The following HTR4 variants were observed in gnomAD, a reference collection of about 807,000 sequenced individuals.
HTR4 encodes the protein 5-hydroxytryptamine receptor 4.
In HTR4, 16 loss-of-function variants were observed where a neutral mutation model predicts 36.8. The observed-to-expected ratio is 0.43, with a 90% CI of 0.29 to 0.66. The LOEUF is 0.66. Ranked by LOEUF, HTR4 falls within the 30% of genes least tolerant of loss-of-function variation. The pLI is 0.13. For missense variants in HTR4, 438 were observed against 490.9 expected (o/e 0.89, Z 1.02); for synonymous variants, 189 against 185.1 (o/e 1.02, Z -0.17).
chr5:148,603,993 T>C (rs573822289), intron 2 of HTR4, among the ~76,000 whole-genome samples: 1 of 152,270 alleles, frequency 6.6e-6, no homozygotes, highest in Admixed American at 6.5e-5. Context: ...AAACTCATCA[T>C]AACCCTTACC....
intron 1 of HTR4, among the ~76,000 whole-genome samples, chr5:148,647,721 T>A (rs902408236): frequency 1.3e-5 from 2 of 152,188 alleles, no homozygotes; most frequent in Non-Finnish European, 2.9e-5. Flanking sequence ...TGGTGTTGCA[T>A]GCCTGTAGTC....
At chr5:148,527,548 A>G (rs184000429) in intron 4 of HTR4, among the ~76,000 whole-genome samples, 1 of 152,298 alleles carries the variant, frequency 6.6e-6, no homozygotes, top group Non-Finnish European at 1.5e-5. Context: ...AAATAGTGGT[A>G]ACAGGTTTCC....
intron 6 of HTR4, chr5:148,490,766 T>C (rs762006486): frequency 3.4e-6 from 4 of 1,186,008 alleles, no homozygotes; most frequent in Non-Finnish European, 4.5e-6. Context: ...ATACATGTTC[T>C]TATAACCTCA....
chr5:148,508,981 G>A (rs972568369), intron 6 of HTR4, among the ~76,000 whole-genome samples: 1 of 151,756 alleles, frequency 6.6e-6, no homozygotes, highest in African/African-American at 2.4e-5. Flanking sequence ...TAGGAGCACC[G>A]AGAATCAAGA....
chr5:148,618,132 G>A (rs1752773101), intron 2 of HTR4, among the ~76,000 whole-genome samples: 1 of 152,128 alleles, frequency 6.6e-6, no homozygotes, highest in Non-Finnish European at 1.5e-5. Flanking sequence ...CACTCTGATT[G>A]TACCCTTCTG....
chr5:148,633,629 G>A (rs988794974), intron 2 of HTR4, among the ~76,000 whole-genome samples: 5 of 150,802 alleles, frequency 3.3e-5, no homozygotes, highest in African/African-American at 1.2e-4. Flanking sequence ...AACATGCGGT[G>A]TTTGGTTTTC....
At chr5:148,497,376 T>A (rs1756735682) in intron 6 of HTR4, among the ~76,000 whole-genome samples, 1 of 152,154 alleles carries the variant, frequency 6.6e-6, no homozygotes, top group Non-Finnish European at 1.5e-5. Flanking sequence ...CTTTTCACAG[T>A]TTACAGTGGA....
intron 2 of HTR4, among the ~76,000 whole-genome samples, chr5:148,572,170 C>T (rs981619679): frequency 1.3e-5 from 2 of 151,996 alleles, no homozygotes; most frequent in Admixed American, 1.3e-4. Context: ...AGATTTTAGG[C>T]CTTGTCAGTT....
At chr5:148,480,540 G>A (rs1254524876), downstream of HTR4, among the ~76,000 whole-genome samples, 2 of 152,056 alleles carry the variant, frequency 1.3e-5, no homozygotes, top group African/African-American at 2.4e-5. Context: ...CACCATACTC[G>A]GCTAATTTTT....
At chr5:148,545,142 G>C (rs1487841162) in intron 4 of HTR4, among the ~76,000 whole-genome samples, 2 of 152,220 alleles carry the variant, frequency 1.3e-5, no homozygotes, top group Non-Finnish European at 2.9e-5. Context: ...GCACTATGAG[G>C]GAACGCTCTT....
At chr5:148,589,057 C>T (rs1761457761) in intron 2 of HTR4, among the ~76,000 whole-genome samples, 1 of 152,018 alleles carries the variant, frequency 6.6e-6, no homozygotes, top group East Asian at 1.9e-4. Flanking sequence ...TTAATCGATA[C>T]TCCACTATAT....
chr5:148,538,204 A>G (rs1003867674), intron 4 of HTR4, among the ~76,000 whole-genome samples: 1 of 152,112 alleles, frequency 6.6e-6, no homozygotes, highest in African/African-American at 2.4e-5. Context: ...AAAATTCTCA[A>G]AAAAAACTAG....
At chr5:148,547,727 A>G (rs772780168) in intron 4 of HTR4, among the ~76,000 whole-genome samples, 10 of 151,978 alleles carry the variant, frequency 6.6e-5, no homozygotes, top group Non-Finnish European at 1.0e-4. Context: ...ACTTGTCCCT[A>G]TAAAAAATAA....
chr5:148,463,911 G>C (rs1755353619), intron 5 of HTR4, among the ~76,000 whole-genome samples: 1 of 151,548 alleles, frequency 6.6e-6, no homozygotes, highest in African/African-American at 2.4e-5. Flanking sequence ...ACAGTATAGA[G>C]AGCCCAGAAG....
chr5:148,479,446 G>C (rs552882115), downstream of HTR4, among the ~76,000 whole-genome samples: 1 of 151,852 alleles, frequency 6.6e-6, no homozygotes, highest in African/African-American at 2.4e-5. Flanking sequence ...GTTTTCAGAC[G>C]CATTTTTCCT....
intron 2 of HTR4, among the ~76,000 whole-genome samples, chr5:148,592,405 AT>A (rs1001181852): frequency 2.0e-5 from 3 of 151,478 alleles, no homozygotes; most frequent in South Asian, 2.1e-4. Flanking sequence ...AAAAAAAGAA[AT>A]TTTTTTTTAC....
rs965243951 is a variant in HTR4, at chr5:148,636,235, C to G, written c.26+754G>C. 5.3e-5 allele frequency among the ~76,000 whole-genome samples: 8 copies of G among 152,236 alleles called. No individual in the cohort carries two copies. The East Asian group carries it at 9.7e-4, about 18-fold the overall frequency. ...GAGGCACAAGGCCCCTGATCTATAC[C>G]TGAAATATACTTTTCTAGAGGTCTC... On this transcript the variant is annotated intron_variant, in intron 2 of 6. Transcript: ENST00000377888.
intron 1 of HTR4, among the ~76,000 whole-genome samples, chr5:148,641,803 C>T (rs1753738116): frequency 1.3e-5 from 2 of 152,150 alleles, no homozygotes; most frequent in South Asian, 2.1e-4. Flanking sequence ...CATCTTTACC[C>T]TCGTTTCTGA....
Position 148,488,918 on chromosome 5 carries a change from C to T in HTR4, c.1077-5625G>A, listed in dbSNP as rs551059323. On this transcript the variant is annotated intron_variant, in intron 6 of 6. Coordinates refer to ENST00000377888, the MANE Select transcript of HTR4 (RefSeq NM_000870.7). ...AATCAGGTGTGGCTGATTCTAATCC[C>T]TATGTACTTCTTTCCCTATTTCCCA... is the stretch of plus-strand genomic sequence containing the variant. 5.9e-5 allele frequency among the ~76,000 whole-genome samples: 9 copies of T among 152,294 alleles called. No individual in the cohort carries two copies. The South Asian group carries it at 1.9e-3, about 32-fold the overall frequency.
Sources: gnomAD v4.1 joint callset for allele counts (sites outside exome capture counted in the v4.1 genomes callset) on GRCh38, gnomAD v4.1.1 for gene constraint, MANE v1.5 for transcripts, NCBI Gene and HGNC (gene_info 2026-07-23, HGNC 2026-07-21) for gene names.